Variants in TMEM207 observed in about 807,000 individuals in gnomAD.
The protein encoded by TMEM207 is transmembrane protein 207, also known as SRSR846.
TMEM207 carries 15 observed loss-of-function variants against 17.4 expected under a neutral mutation model. The ratio of observed to expected loss-of-function variants is 0.86; its 90% CI spans 0.58 to 1.33. The LOEUF (loss-of-function observed/expected upper bound fraction) is 1.33. Among genes scored for constraint, TMEM207 ranks in the 40% most tolerant of loss-of-function variants. The pLI is 0.00. For synonymous variants in TMEM207, 70 were observed against 65.6 expected (o/e 1.07, Z -0.33); for missense variants, 205 against 173.8 (o/e 1.18, Z -1.01).
In TMEM207 at chr3:190,443,886, G is replaced by A. The variant is rs181780313; in HGVS notation, c.114-2404C>T. Reference sequence around the variant, plus strand: ...GGGAAGTGAGAGCTGACTATAATGCGTAAGAAAGACATTTGGAATAAGAAT... The same window carrying A: ...GGGAAGTGAGAGCTGACTATAATGCATAAGAAAGACATTTGGAATAAGAAT... On this transcript the variant is annotated intron_variant, in intron 2 of 4. Coordinates refer to ENST00000354905, the MANE Select transcript of TMEM207 (RefSeq NM_207316.3). Among the ~76,000 whole-genome samples, 408 of 152,262 alleles carry A rather than the reference G, an allele frequency of 2.7e-3. 4 individuals are homozygous for A. The South Asian group carries it at 0.033, about 12-fold the overall frequency.
intron 2 of TMEM207, among the ~76,000 whole-genome samples, chr3:190,447,201 A>G (rs113266442): frequency 0.019 from 2,849 of 152,246 alleles, 43 homozygotes; most frequent in Middle Eastern, 0.031. Flanking sequence ...CTTTTCTGAT[A>G]CTAAATCACA....
At chr3:190,432,512 A>G (rs1719712866) in intron 4 of TMEM207, among the ~76,000 whole-genome samples, 1 of 152,232 alleles carries the variant, frequency 6.6e-6, no homozygotes, top group African/African-American at 2.4e-5. Context: ...AGTCATTACT[A>G]TTATCATGTC....
rs190267819 is a variant in TMEM207, at chr3:190,440,255, T to C, written c.293A>G (p.Asp98Gly). 5.0e-6 allele frequency: 8 copies of C among 1,610,336 alleles called. No individual in the cohort carries two copies. In the East Asian group the frequency reaches 1.8e-4, roughly 36 times the overall value. ...TMAVFAVGDLDSIYGTEAAVS... is the reference protein window; with the variant it reads ...TMAVFAVGDLGSIYGTEAAVS... Reference sequence around the variant, plus strand: ...TGCAGACAACTCACCATAAATAGAGTCCAAGTCTCCAACAGCAAAAACTGC... The same window carrying C: ...TGCAGACAACTCACCATAAATAGAGCCCAAGTCTCCAACAGCAAAAACTGC... Residue 98 changes from aspartate (D) to glycine (G), a missense_variant, in exon 4 of 5, where the codon GAC (aspartate) becomes GGC (glycine). Asp to Gly is a moderately conservative substitution (Grantham distance 94). Coordinates refer to ENST00000354905, the MANE Select transcript of TMEM207 (RefSeq NM_207316.3).
chr3:190,444,483 C>CTT, intron 2 of TMEM207: 7 of 976,854 alleles, frequency 7.2e-6, no homozygotes, highest in Non-Finnish European at 8.5e-6. Flanking sequence ...GTTCCAAATG[C>CTT]TTTAAGGAAA....
chr3:190,430,207 G>A (rs947714076), intron 4 of TMEM207, among the ~76,000 whole-genome samples: 2 of 151,638 alleles, frequency 1.3e-5, no homozygotes, highest in East Asian at 1.9e-4. Flanking sequence ...TGTTAAGCTC[G>A]GTGATGAAAG....
intron 2 of TMEM207, among the ~76,000 whole-genome samples, chr3:190,446,473 A>G (rs1437027991): frequency 1.3e-5 from 2 of 150,210 alleles, no homozygotes; most frequent in East Asian, 2.0e-4. Context: ...TTTTGTGTTT[A>G]TTTTCTGCCA....
intron 4 of TMEM207, among the ~76,000 whole-genome samples, chr3:190,435,198 T>C (rs769581067): frequency 6.6e-6 from 1 of 152,194 alleles, no homozygotes; most frequent in Non-Finnish European, 1.5e-5. Context: ...TTTCTCACGA[T>C]TGTGGAGTCT....
chr3:190,434,756 C>T (rs1185512168), intron 4 of TMEM207, among the ~76,000 whole-genome samples: 3 of 152,140 alleles, frequency 2.0e-5, no homozygotes, highest in Non-Finnish European at 4.4e-5. Context: ...TTTGAGAAGA[C>T]ATGAGGTCAT....
intron 4 of TMEM207, among the ~76,000 whole-genome samples, chr3:190,433,574 A>G (rs1288448947): frequency 6.6e-6 from 1 of 152,166 alleles, no homozygotes; most frequent in Non-Finnish European, 1.5e-5. Flanking sequence ...GGTCATGTGA[A>G]GATTTTGAGG....
At chr3:190,445,530 T>C (rs1720025804) in intron 2 of TMEM207, among the ~76,000 whole-genome samples, 1 of 152,090 alleles carries the variant, frequency 6.6e-6, no homozygotes, top group African/African-American at 2.4e-5. Context: ...AATAGACCAG[T>C]GTTGTTGTTA....
chr3:190,432,312 G>A (rs1719708105), intron 4 of TMEM207, among the ~76,000 whole-genome samples: 1 of 152,066 alleles, frequency 6.6e-6, no homozygotes, highest in Non-Finnish European at 1.5e-5. Context: ...GTGGCCAGAA[G>A]GACTGAATTT....
intron 2 of TMEM207, among the ~76,000 whole-genome samples, chr3:190,442,180 C>T (rs1165522257): frequency 6.6e-6 from 1 of 152,134 alleles, no homozygotes; most frequent in Non-Finnish European, 1.5e-5. Flanking sequence ...TGTAGAGTCC[C>T]TCACTATGCC....
intron 4 of TMEM207, 53 bp downstream of exon 4, chr3:190,440,191 C>G: frequency 6.4e-7 from 1 of 1,553,744 alleles, no homozygotes; most frequent in East Asian, 2.3e-5. Context: ...TTTCAATTAA[C>G]CGCAAAACCA....
intron 4 of TMEM207, among the ~76,000 whole-genome samples, chr3:190,439,025 A>C (rs1334340963): frequency 2.6e-5 from 4 of 151,828 alleles, no homozygotes; most frequent in Non-Finnish European, 5.9e-5. Context: ...AAAATACAAA[A>C]AATTAGCCGG....
chr3:190,433,609 C>T (rs1474160058), intron 4 of TMEM207, among the ~76,000 whole-genome samples: 1 of 152,084 alleles, frequency 6.6e-6, no homozygotes, highest in Non-Finnish European at 1.5e-5. Flanking sequence ...TTTTCTCAAC[C>T]TTTACTAAAA....
chr3:190,440,174 A>G (rs368531974), intron 4 of TMEM207, 70 bp downstream of exon 4: 15 of 1,528,330 alleles, frequency 9.8e-6, no homozygotes, highest in African/African-American at 9.7e-5. Flanking sequence ...CTTTTGGGAG[A>G]ACAGTTTTTC....
In TMEM207 at chr3:190,440,439, G is replaced by C. The variant is rs538196795; in HGVS notation, c.159-50C>G. ...AGAATGAGGTAGAGTATGCAGGGAA[G>C]TTAAGAGCTTCCATCACTACCTAGA... On this transcript the variant is annotated intron_variant, in intron 3 of 4. Transcript: ENST00000354905. The C allele has an allele frequency of 2.1e-5, 33 of 1,537,936 alleles. No individual in the cohort carries two copies. In the South Asian group the frequency reaches 3.8e-4, roughly 18 times the overall value.
At chr3:190,448,950 G>A (rs1720104900) in intron 1 of TMEM207, among the ~76,000 whole-genome samples, 1 of 152,108 alleles carries the variant, frequency 6.6e-6, no homozygotes, top group Non-Finnish European at 1.5e-5. Flanking sequence ...AAATAGATTT[G>A]CATACTAAGT....
chr3:190,439,176 C>CAAAAAAA (rs772313119), intron 4 of TMEM207, among the ~76,000 whole-genome samples: 3 of 58,638 alleles, frequency 5.1e-5, no homozygotes, highest in African/African-American at 1.4e-4. Context: ...GACTCCGTCT[C>CAAAAAAA]AAAAAAAAAA....
Sources: allele counts gnomAD v4.1 joint callset (sites outside exome capture counted in the v4.1 genomes callset), GRCh38; gene constraint gnomAD v4.1.1; transcripts MANE v1.5; gene names NCBI Gene and HGNC (gene_info 2026-07-23, HGNC 2026-07-21).